ETFA: variants seen among roughly 807,000 people sequenced by gnomAD.
ETFA encodes the protein electron transfer flavoprotein subunit alpha.
In ETFA, 22 loss-of-function variants were observed where a neutral mutation model predicts 46.2. The ratio of observed to expected loss-of-function variants is 0.48; its 90% CI spans 0.34 to 0.68. The LOEUF (loss-of-function observed/expected upper bound fraction) is 0.68. Ranked by LOEUF, ETFA falls within the 30% of genes least tolerant of loss-of-function variation. The pLI, the probability that ETFA is intolerant of heterozygous loss-of-function variation, is 0.01. For synonymous variants in ETFA, 131 were observed against 139.9 expected (o/e 0.94, Z 0.45); for missense variants, 345 against 401.1 (o/e 0.86, Z 1.19).
In ETFA at chr15:76,227,208, C is replaced by T. The variant is rs940166632; in HGVS notation, c.883-1279G>A. On this transcript the variant is annotated intron_variant, in intron 10 of 11. Coordinates refer to ENST00000557943, the MANE Select transcript of ETFA (RefSeq NM_000126.4). ...AGCCCAGGCGTTCAAGACCAGCCTGCGCAACACAGGGAGACCCCATCTCTA... is the reference window on the plus strand; with the variant it reads ...AGCCCAGGCGTTCAAGACCAGCCTGTGCAACACAGGGAGACCCCATCTCTA... Among the ~76,000 whole-genome samples the T allele has an allele frequency of 7.9e-5, 12 of 151,838 alleles. 1 individual carries two copies. Among genetic ancestry groups the T allele is most frequent in the South Asian group, 2.1e-4 (1 of 4,798 alleles).
At chr15:76,238,612 T>A (rs1356469664) in intron 9 of ETFA, among the ~76,000 whole-genome samples, 1 of 152,194 alleles carries the variant, frequency 6.6e-6, no homozygotes, top group Non-Finnish European at 1.5e-5. Context: ...AATATACATA[T>A]ACATAACAAA....
intron 9 of ETFA, among the ~76,000 whole-genome samples, chr15:76,261,891 G>A (rs1344663545): frequency 1.3e-5 from 2 of 152,190 alleles, no homozygotes; most frequent in African/African-American, 2.4e-5. Context: ...GTTCACACCT[G>A]TAACCCCAGC....
intron 9 of ETFA, among the ~76,000 whole-genome samples, chr15:76,272,900 T>C (rs1408023762): frequency 6.6e-6 from 1 of 151,464 alleles, no homozygotes; most frequent in Non-Finnish European, 1.5e-5. Flanking sequence ...AAATCCACTC[T>C]CACAGCCTAA....
intron 9 of ETFA, among the ~76,000 whole-genome samples, chr15:76,246,429 A>G (rs780802659): frequency 6.6e-6 from 1 of 152,252 alleles, no homozygotes; most frequent in Non-Finnish European, 1.5e-5. Context: ...AAAAACAGAC[A>G]GCCAACATAA....
intron 9 of ETFA, among the ~76,000 whole-genome samples, chr15:76,254,327 G>A (rs368495005): frequency 1.3e-5 from 2 of 152,224 alleles, no homozygotes; most frequent in Admixed American, 6.5e-5. Flanking sequence ...CATTAGGCAT[G>A]TATGAGGTGA....
chr15:76,269,061 T>C (rs1479914621), intron 9 of ETFA, among the ~76,000 whole-genome samples: 2 of 151,916 alleles, frequency 1.3e-5, no homozygotes, highest in Non-Finnish European at 2.9e-5. Context: ...TCCTCTTAAG[T>C]GGATTAAGGC....
At chr15:76,286,293 G>T in intron 6 of ETFA, 78 bp downstream of exon 6, 1 of 737,340 alleles carries the variant, frequency 1.4e-6, no homozygotes, top group East Asian at 2.6e-5. Flanking sequence ...TGTAGGCAGA[G>T]GTCATCTCTT....
At chr15:76,254,242 CAGA>C (rs1182726398) in intron 9 of ETFA, among the ~76,000 whole-genome samples, 3 of 152,142 alleles carry the variant, frequency 2.0e-5, no homozygotes, top group African/African-American at 7.2e-5. Flanking sequence ...GGAAAAATTC[CAGA>C]AGGAGAGAAC....
chr15:76,260,839 G>A, intron 9 of ETFA: 3 of 1,611,222 alleles, frequency 1.9e-6, no homozygotes, highest in Non-Finnish European at 2.5e-6. Flanking sequence ...CTGGTGGCAG[G>A]CACCAGGTCC....
intron 9 of ETFA, among the ~76,000 whole-genome samples, chr15:76,234,798 T>C (rs748413956): frequency 7.2e-5 from 11 of 152,138 alleles, no homozygotes; most frequent in African/African-American, 9.7e-5. Context: ...TTCTGAAATA[T>C]AGAGAAGGGA....
intron 9 of ETFA, among the ~76,000 whole-genome samples, chr15:76,266,899 G>A (rs945392140): frequency 1.4e-4 from 19 of 134,752 alleles, no homozygotes; most frequent in East Asian, 2.9e-4. Context: ...GCGAGACTCC[G>A]TTTAAAAAAA....
intron 8 of ETFA, among the ~76,000 whole-genome samples, chr15:76,280,639 G>C (rs2039638577): frequency 6.6e-6 from 1 of 152,126 alleles, no homozygotes; most frequent in South Asian, 2.1e-4. Flanking sequence ...CCTTGAAATG[G>C]TTCCCCATTT....
intron 9 of ETFA, chr15:76,260,205 T>C (rs1202921591): frequency 2.1e-6 from 2 of 958,174 alleles, no homozygotes; most frequent in Admixed American, 4.2e-5. Flanking sequence ...TAGTTCGCTG[T>C]TGATGCCCAA....
chr15:76,266,902 T>C (rs551676294), intron 9 of ETFA, among the ~76,000 whole-genome samples: 1 of 147,128 alleles, frequency 6.8e-6, no homozygotes, highest in South Asian at 2.1e-4. Context: ...AGACTCCGTT[T>C]AAAAAAAAAA....
intron 10 of ETFA, among the ~76,000 whole-genome samples, chr15:76,228,432 T>C (rs2039027892): frequency 1.3e-5 from 2 of 152,160 alleles, no homozygotes. Context: ...GTGATCCTCC[T>C]GCCTTGGCCT....
chr15:76,261,055 T>G (rs1356128019), intron 9 of ETFA: 4 of 1,574,972 alleles, frequency 2.5e-6, no homozygotes, highest in Admixed American at 3.3e-5. Context: ...AGGAGAACAG[T>G]GGCTATGCGA....
At position 76,261,022 on chromosome 15, in the gene ETFA, A is replaced by G. The variant is rs2039405844; in HGVS notation, c.816+13390T>C. On this transcript the variant is annotated intron_variant, in intron 9 of 11. Coordinates refer to ENST00000557943, the MANE Select transcript of ETFA (RefSeq NM_000126.4). ...GAAAGCTTTGTCACGGTGATGTTGAAGGGGACTGCAGGCAGTGCTTGAAGG... is the reference window on the plus strand; with the variant it reads ...GAAAGCTTTGTCACGGTGATGTTGAGGGGGACTGCAGGCAGTGCTTGAAGG... 1.9e-6 allele frequency: 3 copies of G among 1,605,622 alleles called. No individual in the cohort carries two copies. The South Asian group carries it at 3.3e-5, about 18-fold the overall frequency.
In ETFA at chr15:76,292,671, G is replaced by A. The variant is rs2039778926; in HGVS notation, c.216C>T (p.Gly72=). The A allele has an allele frequency of 3.1e-6, 5 of 1,613,266 alleles. No homozygotes were observed. The East Asian group carries it at 1.1e-4, about 36-fold the overall frequency. ...KVAQDLCKVA[G]IAKVLVAQHD... ...GCTGAGCCACCAGAACTTTTGCTATGCCTGCTACTTTACAGAGATCTTGTG... is the reference window on the plus strand; with the variant it reads ...GCTGAGCCACCAGAACTTTTGCTATACCTGCTACTTTACAGAGATCTTGTG... Residue 72 remains glycine, a synonymous_variant, in exon 3 of 12, where the codon GGC becomes GGT. Coordinates refer to ENST00000557943, the MANE Select transcript of ETFA (RefSeq NM_000126.4).
At chr15:76,217,607 G>A (rs780184485) in intron 11 of ETFA, 1 of 455,712 alleles carries the variant, frequency 2.2e-6, no homozygotes, top group African/African-American at 2.0e-5. Context: ...GCAGTGCAGT[G>A]GCTGCAACTG....
Sources: allele counts gnomAD v4.1 joint callset (sites outside exome capture counted in the v4.1 genomes callset), GRCh38; gene constraint gnomAD v4.1.1; transcripts MANE v1.5; gene names NCBI Gene and HGNC (gene_info 2026-07-23, HGNC 2026-07-21).